The following TSNARE1 variants were observed in gnomAD, a reference collection of about 807,000 sequenced individuals.
TSNARE1 encodes t-SNARE domain-containing protein 1.
TSNARE1 carries 49 observed loss-of-function variants against 62.0 expected under a neutral mutation model. That is an observed-to-expected ratio of 0.79 (90% CI 0.63 to 1.00). The LOEUF is 1.00. Among genes scored for constraint, TSNARE1 ranks in the 50% least tolerant of loss-of-function variants. TSNARE1 has a pLI of 0.00. For synonymous variants in TSNARE1, 328 were observed against 294.4 expected, an observed-to-expected ratio of 1.11 and a Z score of -1.17; for missense variants, 755 against 700.1, an observed-to-expected ratio of 1.08 and a Z score of -0.88.
intron 6 of TSNARE1, 145 bp downstream of exon 6, chr8:142,330,756 A>G (rs1298649144): frequency 9.3e-6 from 7 of 756,592 alleles, no homozygotes; most frequent in South Asian, 1.7e-5. Context: ...GCGTGTGTGC[A>G]TATGTGCGCA....
intron 13 of TSNARE1, among the ~76,000 whole-genome samples, chr8:142,222,689 CA>C (rs1816420133): frequency 1.4e-5 from 1 of 74,008 alleles, no homozygotes; most frequent in Non-Finnish European, 3.5e-5. Context: ...CTCATCCACT[CA>C]CTCACTCATC....
At chr8:142,399,442 A>G (rs1375680279) in intron 1 of TSNARE1, among the ~76,000 whole-genome samples, 4 of 152,184 alleles carry the variant, frequency 2.6e-5, no homozygotes, top group African/African-American at 9.7e-5. Context: ...AGAGTCCACC[A>G]CTGGCGCTGG....
intron 1 of TSNARE1, among the ~76,000 whole-genome samples, chr8:142,382,882 C>T (rs888142489): frequency 1.3e-5 from 2 of 152,226 alleles, no homozygotes; most frequent in African/African-American, 4.8e-5. Flanking sequence ...GCCCGGCCCT[C>T]GTCCAGGGTG....
chr8:142,278,209 A>G, intron 11 of TSNARE1: 2 of 985,310 alleles, frequency 2.0e-6, no homozygotes, highest in Non-Finnish European at 2.4e-6. Context: ...GCCCAGCCAC[A>G]GGGTTGGCTG....
chr8:142,361,766 G>A (rs1407408842), intron 1 of TSNARE1, among the ~76,000 whole-genome samples: 2 of 152,160 alleles, frequency 1.3e-5, no homozygotes, highest in African/African-American at 4.8e-5. Context: ...GGCAAGGCCG[G>A]AAAAGACAGA....
intron 12 of TSNARE1, among the ~76,000 whole-genome samples, chr8:142,239,729 T>C (rs1425624290): frequency 6.6e-6 from 1 of 152,136 alleles, no homozygotes; most frequent in East Asian, 1.9e-4. Flanking sequence ...GTTAAATACG[T>C]GGTTAGCGCC....
intron 1 of TSNARE1, among the ~76,000 whole-genome samples, chr8:142,359,111 C>T (rs1248321708): frequency 6.6e-6 from 1 of 152,108 alleles, no homozygotes; most frequent in Non-Finnish European, 1.5e-5. Flanking sequence ...CTCGGCTTCC[C>T]CCATGCTGCC....
intron 11 of TSNARE1, chr8:142,275,596 G>C: frequency 2.0e-6 from 2 of 985,430 alleles, no homozygotes. Context: ...GGCACAGCCG[G>C]GGTCCTCAAC....
At chr8:142,264,651 T>C (rs1170120375) in intron 12 of TSNARE1, among the ~76,000 whole-genome samples, 1 of 152,220 alleles carries the variant, frequency 6.6e-6, no homozygotes, top group Non-Finnish European at 1.5e-5. Flanking sequence ...CTGGAGTGAC[T>C]CCAGTGTATC....
At chr8:142,297,013 C>T (rs1403334317) in intron 10 of TSNARE1, among the ~76,000 whole-genome samples, 3 of 152,194 alleles carry the variant, frequency 2.0e-5, no homozygotes, top group Admixed American at 1.3e-4. Flanking sequence ...TACGGCCACA[C>T]GGGCTGTCCC....
intron 11 of TSNARE1, 53 bp from the exon 12 acceptor site, chr8:142,274,916 G>A (rs534289986): frequency 3.4e-5 from 49 of 1,447,330 alleles, no homozygotes; most frequent in African/African-American, 3.3e-4. Context: ...AGCCGCCCCC[G>A]CCCTGAGGAC....
intron 13 of TSNARE1, among the ~76,000 whole-genome samples, chr8:142,225,765 A>G (rs1261500466): frequency 6.6e-6 from 1 of 152,248 alleles, no homozygotes; most frequent in Non-Finnish European, 1.5e-5. Flanking sequence ...CCTGTCACTC[A>G]GATGTACTGG....
chr8:142,273,740 G>C, intron 12 of TSNARE1: 1 of 985,434 alleles, frequency 1.0e-6, no homozygotes, highest in Non-Finnish European at 1.2e-6. Context: ...GGAAGCTCAA[G>C]GCAGCCCTGG....
chr8:142,252,275 T>C (rs888418231), intron 12 of TSNARE1, among the ~76,000 whole-genome samples: 6 of 152,194 alleles, frequency 3.9e-5, no homozygotes, highest in African/African-American at 1.4e-4. Flanking sequence ...CAGGCCTACA[T>C]TCGTAATGCA....
intron 13 of TSNARE1, among the ~76,000 whole-genome samples, chr8:142,221,908 C>T (rs1396844398): frequency 2.2e-5 from 3 of 138,442 alleles, no homozygotes; most frequent in Non-Finnish European, 3.2e-5. Flanking sequence ...CACTCATCCA[C>T]TCACTCATTC....
chr8:142,394,301 A>G (rs563007840), intron 1 of TSNARE1, among the ~76,000 whole-genome samples: 7 of 152,290 alleles, frequency 4.6e-5, no homozygotes, highest in African/African-American at 1.4e-4. Context: ...GGGTGTGGGC[A>G]CCCCACAGCA....
intron 13 of TSNARE1, among the ~76,000 whole-genome samples, chr8:142,212,617 C>A (rs1056412804): frequency 1.4e-4 from 21 of 152,054 alleles, no homozygotes; most frequent in Non-Finnish European, 1.5e-5. Context: ...GCCCAGGCTG[C>A]GGACTCCTGC....
chr8:142,232,660 G>A (rs1271422451), intron 12 of TSNARE1, among the ~76,000 whole-genome samples: 1 of 152,208 alleles, frequency 6.6e-6, no homozygotes, highest in Non-Finnish European at 1.5e-5. Flanking sequence ...TGCCAAGCCC[G>A]GCCCTTCCAC....
At chr8:142,354,573 AG>A in intron 2 of TSNARE1, 63 bp downstream of exon 2, 1 of 1,164,528 alleles carries the variant, frequency 8.6e-7, no homozygotes, top group Non-Finnish European at 1.3e-6. Flanking sequence ...TGACACAGTG[AG>A]GATCCTACCC....
Sources: allele counts gnomAD v4.1 joint callset (sites outside exome capture counted in the v4.1 genomes callset), GRCh38; gene constraint gnomAD v4.1.1; transcripts MANE v1.5; gene names NCBI Gene and HGNC (gene_info 2026-07-23, HGNC 2026-07-21).